HEG1: variants seen among roughly 807,000 people sequenced by gnomAD.
The protein encoded by HEG1 is protein HEG homolog 1.
Under a neutral mutation model 125.6 loss-of-function variants are expected in HEG1, and 56 were observed. The ratio of observed to expected loss-of-function variants is 0.45; its 90% CI spans 0.36 to 0.56. HEG1 has a LOEUF of 0.56. HEG1 is among the 20% of genes least tolerant of loss of function. HEG1 has a pLI of 0.00. For missense variants in HEG1, 1,523 were observed against 1,670.0 expected, an observed-to-expected ratio of 0.91 and a Z score of 1.53; for synonymous variants, 644 against 668.5, an observed-to-expected ratio of 0.96 and a Z score of 0.57.
intron 16 of HEG1, among the ~76,000 whole-genome samples, chr3:124,971,584 TG>T (rs1442021671): frequency 6.6e-6 from 1 of 152,090 alleles, no homozygotes; most frequent in African/African-American, 2.4e-5. Flanking sequence ...CCCTGCCTCC[TG>T]GGTTTGAGGT....
intron 14 of HEG1, among the ~76,000 whole-genome samples, chr3:124,987,656 A>G (rs1190969596): frequency 1.3e-5 from 2 of 149,452 alleles, no homozygotes; most frequent in Non-Finnish European, 3.0e-5. Flanking sequence ...GAGTAGCTGG[A>G]ACTACAGGCG....
chr3:124,973,684 C>T (rs1471715303), intron 16 of HEG1, 47 bp downstream of exon 16: 7 of 1,481,850 alleles, frequency 4.7e-6, no homozygotes, highest in Middle Eastern at 3.5e-4. Context: ...CTTTACTTCT[C>T]AGAGGAACCG....
intron 8 of HEG1, among the ~76,000 whole-genome samples, chr3:125,009,328 CT>C (rs949746009): frequency 6.7e-6 from 1 of 148,454 alleles, no homozygotes; most frequent in Admixed American, 6.7e-5. Flanking sequence ...ATCCTTTTGA[CT>C]TTTTTTTTCC....
rs370886759 is a variant in HEG1, at chr3:124,986,896, T to A, written c.3733+3891A>T. On this transcript the variant is annotated intron_variant, in intron 14 of 16. Transcript: ENST00000311127. Reference sequence around the variant, plus strand: ...AAACAGCATCCCCAAACATGTATAGTACTTAATAATCTCTGAGAAAAAAAT... The same window carrying A: ...AAACAGCATCCCCAAACATGTATAGAACTTAATAATCTCTGAGAAAAAAAT... Among the ~76,000 whole-genome samples, 61 of 152,314 alleles carry A rather than the reference T, an allele frequency of 4.0e-4. 1 individual carries two copies. The South Asian group carries it at 0.012, about 29-fold the overall frequency.
chr3:124,975,920 T>C (rs959242918), intron 15 of HEG1, among the ~76,000 whole-genome samples: 14 of 152,246 alleles, frequency 9.2e-5, no homozygotes, highest in African/African-American at 3.4e-4. Flanking sequence ...TGTTTATCCA[T>C]TGACAAACAT....
At chr3:124,994,669 C>A (rs1936889622) in intron 12 of HEG1, among the ~76,000 whole-genome samples, 1 of 152,104 alleles carries the variant, frequency 6.6e-6, no homozygotes, top group Non-Finnish European at 1.5e-5. Flanking sequence ...CCACGCCCAG[C>A]TAATTTTTGT....
At chr3:124,989,885 T>C (rs1936800659) in intron 14 of HEG1, among the ~76,000 whole-genome samples, 1 of 152,214 alleles carries the variant, frequency 6.6e-6, no homozygotes, top group African/African-American at 2.4e-5. Flanking sequence ...TCTACACTCC[T>C]CAGCCTGGTG....
rs773118941 is a variant in HEG1, at chr3:125,019,244, T to C, written c.1588+18A>G. The C allele has an allele frequency of 1.9e-6, 3 of 1,592,898 alleles. No homozygotes were observed. The highest frequency in any genetic ancestry group is 2.6e-6 in the Non-Finnish European group (3 of 1,161,736). On this transcript the variant is annotated intron_variant, in intron 5 of 16. Coordinates refer to ENST00000311127, the MANE Select transcript of HEG1 (RefSeq NM_020733.2). ...CTCTCCTCTATGGGGCACAGTTGCATGAAATGGAAAAACTCACTCGAACGT... is the reference window on the plus strand; with the variant it reads ...CTCTCCTCTATGGGGCACAGTTGCACGAAATGGAAAAACTCACTCGAACGT...
chr3:124,973,110 C>A (rs1375359024), intron 16 of HEG1, among the ~76,000 whole-genome samples: 1 of 152,002 alleles, frequency 6.6e-6, no homozygotes, highest in Admixed American at 6.6e-5. Flanking sequence ...CAACCTCTGC[C>A]TCCCCAACTC....
intron 14 of HEG1, among the ~76,000 whole-genome samples, chr3:124,983,573 A>T (rs909932023): frequency 6.6e-6 from 1 of 151,392 alleles, no homozygotes; most frequent in Non-Finnish European, 1.5e-5. Flanking sequence ...GGGCTCAAGC[A>T]ATCCTCCCGC....
At chr3:125,039,392 G>C (rs532861311) in intron 1 of HEG1, among the ~76,000 whole-genome samples, 1 of 152,216 alleles carries the variant, frequency 6.6e-6, no homozygotes, top group Admixed American at 6.5e-5. Flanking sequence ...GCAGTGGAGT[G>C]AGTAGGAGCA....
intron 14 of HEG1, among the ~76,000 whole-genome samples, chr3:124,983,113 A>C (rs866978184): frequency 6.6e-6 from 1 of 151,778 alleles, no homozygotes; most frequent in Non-Finnish European, 1.5e-5. Flanking sequence ...GGTTCCTTCC[A>C]CTCCTGATGC....
At chr3:125,054,952 C>A (rs1271718571) in intron 1 of HEG1, among the ~76,000 whole-genome samples, 3 of 152,072 alleles carry the variant, frequency 2.0e-5, no homozygotes, top group Admixed American at 6.5e-5. Context: ...GTGGCTACCA[C>A]GGAGCAACAG....
chr3:125,006,764 T>C (rs531425508), intron 8 of HEG1, among the ~76,000 whole-genome samples: 14 of 152,324 alleles, frequency 9.2e-5, no homozygotes, highest in Admixed American at 5.2e-4. Flanking sequence ...GGAAAGATGA[T>C]TGTGAAGGCG....
intron 6 of HEG1, among the ~76,000 whole-genome samples, chr3:125,012,217 T>A (rs1937167370): frequency 6.6e-6 from 1 of 152,190 alleles, no homozygotes; most frequent in Non-Finnish European, 1.5e-5. Flanking sequence ...GATCCCTGTG[T>A]CAGCCAGGCC....
At chr3:125,003,792 C>T (rs1227667986) in intron 9 of HEG1, among the ~76,000 whole-genome samples, 7 of 152,298 alleles carry the variant, frequency 4.6e-5, no homozygotes, top group South Asian at 4.2e-4. Flanking sequence ...GACTCCTCAG[C>T]GGGACGACAG....
chr3:125,008,914 A>G (rs989897065), intron 8 of HEG1, among the ~76,000 whole-genome samples: 9 of 152,274 alleles, frequency 5.9e-5, no homozygotes, highest in African/African-American at 2.2e-4. Context: ...CCCTGCAAGC[A>G]AGAAAGCTCC....
At position 125,002,070 on chromosome 3, in the gene HEG1, CT is replaced by C. The variant is rs780677298; in HGVS notation, c.3357-59del. On this transcript the variant is annotated intron_variant, in intron 10 of 16. Coordinates refer to ENST00000311127, the MANE Select transcript of HEG1 (RefSeq NM_020733.2). ...CTGAAATGACACGTGGGTCCCAAGG[CT>C]TTTGGAAATGAATGTCATCGCCATT... The C allele has an allele frequency of 3.1e-6, 5 of 1,597,928 alleles. No individual in the cohort carries two copies. In the South Asian group the frequency reaches 5.6e-5, roughly 18 times the overall value.
At chr3:124,974,039 G>C (rs914214959) in intron 15 of HEG1, 134 bp from the exon 16 acceptor site, 2 of 618,064 alleles carry the variant, frequency 3.2e-6, no homozygotes, top group Admixed American at 3.1e-5. Flanking sequence ...CCACTGAGTA[G>C]TATTATTATT....
Sources: gnomAD v4.1 joint callset for allele counts (sites outside exome capture counted in the v4.1 genomes callset) on GRCh38, gnomAD v4.1.1 for gene constraint, MANE v1.5 for transcripts, NCBI Gene and HGNC (gene_info 2026-07-23, HGNC 2026-07-21) for gene names.